ATP8B1: variants seen among roughly 807,000 people sequenced by gnomAD.
The protein encoded by ATP8B1 is ATPase phospholipid transporting 8B1, also known as phospholipid-transporting ATPase IC.
ATP8B1 carries 80 observed loss-of-function variants against 149.9 expected under a neutral mutation model. The ratio of observed to expected loss-of-function variants is 0.53; its 90% CI spans 0.45 to 0.64. The LOEUF (loss-of-function observed/expected upper bound fraction) is 0.64. Ranked by LOEUF, ATP8B1 falls within the 30% of genes least tolerant of loss-of-function variation. ATP8B1 has a pLI of 0.00. For missense variants in ATP8B1, 1,247 were observed against 1,552.6 expected, an observed-to-expected ratio of 0.80 and a Z score of 3.31; for synonymous variants, 536 against 562.8, an observed-to-expected ratio of 0.95 and a Z score of 0.67.
rs1909297520 is a variant in ATP8B1 at position 57,648,110 on chromosome 18, T to C, written c.*378A>G. 1 of 353,692 alleles carries C rather than the reference T, an allele frequency of 2.8e-6. No homozygotes were observed. The highest frequency in any genetic ancestry group is 5.5e-6 in the Non-Finnish European group (1 of 182,184). The allele number at this position is 353,692 out of a possible 1,614,324, so 21.9% of individuals were successfully genotyped here. A position where few individuals can be genotyped will look rare whatever the true frequency, so the allele number is the denominator to read the frequency against. On this transcript the variant is annotated 3_prime_UTR_variant, in exon 28 of 28. Coordinates refer to ENST00000648908, the MANE Select transcript of ATP8B1 (RefSeq NM_001374385.1). ...CAAGCGATTCTTCTGCTTCAGCTTC[T>C]CAAATAGGTGGGATTACGGGTGCCC...
chr18:57,654,040 G>A lies in ATP8B1; in HGVS notation c.2967C>T (p.Asn989=), dbSNP rs749104027. ...GCACGGGCAGGCTGGTGTACAGCAC[G>A]TTGTAGAGGGTGATGAACCAATCCT... ...AYEDWFITLY[N]VLYTSLPVLL... Residue 989 remains asparagine (N), a synonymous_variant, in exon 24 of 28, where the codon AAC becomes AAT. Transcript: ENST00000648908. 43 of 1,613,972 alleles carry A rather than the reference G, an allele frequency of 2.7e-5. No individual in the cohort carries two copies. Among genetic ancestry groups the A allele is most frequent in the Non-Finnish European group, 3.6e-5 (42 of 1,179,996 alleles).
intron 1 of ATP8B1, among the ~76,000 whole-genome samples, chr18:57,756,599 C>T (rs2080087017): frequency 6.6e-6 from 1 of 151,830 alleles, no homozygotes; most frequent in South Asian, 2.1e-4. Flanking sequence ...TGCCCGGCCT[C>T]CACAACCTGT....
chr18:57,717,817 C>A (rs1275543720), intron 2 of ATP8B1, among the ~76,000 whole-genome samples: 1 of 150,624 alleles, frequency 6.6e-6, no homozygotes, highest in Non-Finnish European at 1.5e-5. Context: ...CTCACTGCAA[C>A]CTCCGCCTCC....
chr18:57,748,157 G>T (rs2079982010), intron 1 of ATP8B1, among the ~76,000 whole-genome samples: 1 of 152,138 alleles, frequency 6.6e-6, no homozygotes, highest in African/African-American at 2.4e-5. Context: ...GATGATGGTG[G>T]CGTGCGTTTA....
chr18:57,784,621 G>C lies in ATP8B1; in HGVS notation c.-26+18377C>G, dbSNP rs536738709. ...GGTATCATCTTCTCAACTGATGTCA[G>C]AGTTCAATGCTCGAGGTGCTGTGTT... On this transcript the variant is annotated intron_variant, in intron 1 of 27. Transcript: ENST00000648908. The surrounding 1 kb of genome is among the most constrained non-coding windows in gnomAD (Gnocchi z 4.4). 6.6e-6 allele frequency among the ~76,000 whole-genome samples: 1 copy of C among 152,266 alleles called. No individual in the cohort carries two copies. Among genetic ancestry groups the C allele is most frequent in the South Asian group, 2.1e-4 (1 of 4,828 alleles).
chr18:57,785,963 A>T (rs2080404445), intron 1 of ATP8B1, among the ~76,000 whole-genome samples: 1 of 152,230 alleles, frequency 6.6e-6, no homozygotes, highest in Non-Finnish European at 1.5e-5. Context: ...TCACTATAAA[A>T]ACAGCCAACA....
At chr18:57,713,601 C>G (rs887567755) in intron 2 of ATP8B1, among the ~76,000 whole-genome samples, 13 of 151,496 alleles carry the variant, frequency 8.6e-5, no homozygotes, top group Admixed American at 3.3e-4. Context: ...AGCAATTCTC[C>G]TGCCTCAGCC....
At chr18:57,747,289 C>T (rs1453985967) in intron 1 of ATP8B1, among the ~76,000 whole-genome samples, 1 of 152,046 alleles carries the variant, frequency 6.6e-6, no homozygotes, top group Non-Finnish European at 1.5e-5. Flanking sequence ...CCCATCTCTA[C>T]TAAAAATACA....
chr18:57,684,051 C>T lies in ATP8B1; in HGVS notation c.1615G>A (p.Val539Met), dbSNP rs1245641791. ...AAACACTCACCATCAGTCCTATCCA[C>T]CATGACTGTGTGGCAAACTGCGAGC... ...FLLAVCHTVM[V>M]DRTDGQLNYQ... The change falls in exon 15 of 28, where the codon GTG (valine) becomes ATG (methionine). Residue 539 changes from valine to methionine, a missense_variant. By Grantham distance (21) the Val-to-Met change is conservative (BLOSUM62 1). This residue lies in a region of ATP8B1 where 853 missense variants were observed against 1,035.7 expected (regional missense o/e 0.82). Coordinates refer to ENST00000648908, the MANE Select transcript of ATP8B1 (RefSeq NM_001374385.1). 6.8e-6 allele frequency: 11 copies of T among 1,614,138 alleles called. No homozygotes were observed. The highest frequency in any genetic ancestry group is 8.5e-6 in the Non-Finnish European group (10 of 1,180,032).
At chr18:57,718,350 G>C (rs1374165928) in intron 2 of ATP8B1, among the ~76,000 whole-genome samples, 1 of 152,008 alleles carries the variant, frequency 6.6e-6, no homozygotes, top group Non-Finnish European at 1.5e-5. Flanking sequence ...CAAGTAATGA[G>C]ATCAAAGCCA....
intron 15 of ATP8B1, among the ~76,000 whole-genome samples, chr18:57,677,910 A>G (rs1911699367): frequency 6.6e-6 from 1 of 152,160 alleles, no homozygotes; most frequent in African/African-American, 2.4e-5. Flanking sequence ...CAAGTAAGAC[A>G]CTCATATCTA....
At chr18:57,713,818 G>C (rs1038224691) in intron 2 of ATP8B1, among the ~76,000 whole-genome samples, 3 of 78,858 alleles carry the variant, frequency 3.8e-5, no homozygotes, top group Non-Finnish European at 5.5e-5. Flanking sequence ...GTAGAGACAG[G>C]GTTTCGCCAT....
At chr18:57,712,043 A>G (rs1320563799) in intron 2 of ATP8B1, among the ~76,000 whole-genome samples, 5 of 136,760 alleles carry the variant, frequency 3.7e-5, no homozygotes, top group Non-Finnish European at 8.1e-5. Flanking sequence ...CCTTCCCTCT[A>G]TTGGCATATA....
In ATP8B1 at chr18:57,646,601, A is replaced by C. The variant is rs1211439243; in HGVS notation, c.*1887T>G. 1 of 152,678 alleles carries C rather than the reference A, an allele frequency of 6.5e-6. No homozygotes were observed. Among genetic ancestry groups the C allele is most frequent in the African/African-American group, 2.4e-5 (1 of 41,472 alleles). 9.5% of individuals were successfully genotyped at this position (152,678 alleles called of 1,614,324 possible). A position where few individuals can be genotyped will look rare whatever the true frequency, so the allele number is the denominator to read the frequency against. On this transcript the variant is annotated 3_prime_UTR_variant, in exon 28 of 28. Coordinates refer to ENST00000648908, the MANE Select transcript of ATP8B1 (RefSeq NM_001374385.1). ...ATGTCTTTGACACATTTGCATTGTC[A>C]ATCTTTCCCACAATTTGCAAAAACA... is the stretch of plus-strand genomic sequence containing the variant.
At chr18:57,758,288 C>T (rs1181543030) in intron 1 of ATP8B1, among the ~76,000 whole-genome samples, 3 of 151,484 alleles carry the variant, frequency 2.0e-5, no homozygotes, top group Non-Finnish European at 4.4e-5. Flanking sequence ...TTCCCACCCA[C>T]CCTTTGTTGG....
intron 1 of ATP8B1, among the ~76,000 whole-genome samples, chr18:57,783,706 C>T (rs1276670870): frequency 6.6e-6 from 1 of 151,996 alleles, no homozygotes; most frequent in Non-Finnish European, 1.5e-5. Context: ...CATGGTGGCA[C>T]GCGCTTGTAA....
In ATP8B1 at chr18:57,756,305, A is replaced by ATATATATATATATATATATATG. The variant is rs374550138; in HGVS notation, c.-25-24474_-25-24473insCATATATATATATATATATATA. Among the ~76,000 whole-genome samples the ATATATATATATATATATATATG allele has an allele frequency of 5.3e-3, 563 of 106,066 alleles. 24 individuals are homozygous for ATATATATATATATATATATATG. Among genetic ancestry groups the ATATATATATATATATATATATG allele is most frequent in the South Asian group, 7.6e-3 (27 of 3,550 alleles). 69.6% of individuals were successfully genotyped at this position (106,066 alleles called of 152,430 possible). On this transcript the variant is annotated intron_variant, in intron 1 of 27. Coordinates refer to ENST00000648908, the MANE Select transcript of ATP8B1 (RefSeq NM_001374385.1). ...CATATATATGTGTGTGTGTATGTAT[A>ATATATATATATATATATATATG]TATATATATATTTGAGACTGAGTTT...
At chr18:57,704,448 T>G in intron 4 of ATP8B1, 107 bp downstream of exon 4, 1 of 791,000 alleles carries the variant, frequency 1.3e-6, no homozygotes. Context: ...AGAACCCTGA[T>G]GCTAATATAA....
At chr18:57,713,184 TTTCTTTCTTTCTTTCC>T (rs1390196327) in intron 2 of ATP8B1, among the ~76,000 whole-genome samples, 45 of 91,278 alleles carry the variant, frequency 4.9e-4, no homozygotes, top group South Asian at 1.8e-3. Flanking sequence ...TCTTTCTTTC[TTTCTTTCTTTCTTTCC>T]TTCCTTCCTT....
Sources: allele counts gnomAD v4.1 joint callset (sites outside exome capture counted in the v4.1 genomes callset), GRCh38; gene constraint gnomAD v4.1.1; regional missense constraint gnomAD v4.1.1; non-coding constraint Gnocchi (gnomAD v3.1); transcripts MANE v1.5; gene names NCBI Gene and HGNC (gene_info 2026-07-23, HGNC 2026-07-21).